MACROD2: variants seen among roughly 807,000 people sequenced by gnomAD.
MACROD2 encodes ADP-ribose glycohydrolase MACROD2.
Under a neutral mutation model 70.4 loss-of-function variants are expected in MACROD2, and 36 were observed. The observed-to-expected ratio is 0.51, with a 90% confidence interval of 0.39 to 0.68. MACROD2 has a LOEUF of 0.68. Among genes scored for constraint, MACROD2 ranks in the 30% least tolerant of loss-of-function variants. The probability of loss-of-function intolerance (pLI) is 0.00; values close to 1 mark genes in which losing one functional copy is unlikely to be tolerated. For missense variants in MACROD2, 496 were observed against 538.4 expected (o/e 0.92, Z 0.78); for synonymous variants, 172 against 178.8 (o/e 0.96, Z 0.30).
intron 8 of MACROD2, among the ~76,000 whole-genome samples, chr20:15,515,418 T>C (rs1246368080): frequency 6.6e-6 from 1 of 152,206 alleles, no homozygotes; most frequent in Admixed American, 6.5e-5. Context: ...CAGAGTAAAA[T>C]CTGTACTTAC....
intron 8 of MACROD2, among the ~76,000 whole-genome samples, chr20:15,612,216 C>T (rs561539026): frequency 2.7e-4 from 41 of 152,272 alleles, no homozygotes; most frequent in African/African-American, 9.4e-4. Context: ...TAGCATGAGC[C>T]ATGCCGGCTC....
At chr20:15,015,590 G>T (rs2075115288) in intron 5 of MACROD2, among the ~76,000 whole-genome samples, 1 of 151,876 alleles carries the variant, frequency 6.6e-6, no homozygotes, top group South Asian at 2.1e-4. Flanking sequence ...GAAAGCCACT[G>T]TATTTAGTGA....
intron 5 of MACROD2, among the ~76,000 whole-genome samples, chr20:15,086,138 G>C (rs556209527): frequency 6.6e-6 from 1 of 152,162 alleles, no homozygotes; most frequent in South Asian, 2.1e-4. Context: ...GTTAACATCT[G>C]AGAACCACTG....
intron 3 of MACROD2, among the ~76,000 whole-genome samples, chr20:14,188,173 A>G (rs143438282): frequency 1.8e-4 from 28 of 152,282 alleles, no homozygotes; most frequent in African/African-American, 6.3e-4. Flanking sequence ...CACTTGTGAT[A>G]TATGTTAAAA....
chr20:15,838,639 A>G (rs2147127330), intron 8 of MACROD2, among the ~76,000 whole-genome samples: 1 of 152,298 alleles, frequency 6.6e-6, no homozygotes, highest in East Asian at 1.9e-4. Flanking sequence ...CATCACAATG[A>G]CTGTGAGATA....
At chr20:14,404,873 A>T (rs2083675998) in intron 3 of MACROD2, among the ~76,000 whole-genome samples, 1 of 152,112 alleles carries the variant, frequency 6.6e-6, no homozygotes, top group Non-Finnish European at 1.5e-5. Flanking sequence ...CAATAAATTT[A>T]TATGGACTGA....
intron 3 of MACROD2, among the ~76,000 whole-genome samples, chr20:14,365,563 T>A (rs1340860548): frequency 2.6e-5 from 4 of 152,006 alleles, no homozygotes; most frequent in African/African-American, 7.2e-5. Context: ...AAGAACCAAT[T>A]TCTTGTTTCG....
chr20:15,533,544 G>GCTCTCTCTCTCTCT (rs3071260), intron 8 of MACROD2, among the ~76,000 whole-genome samples: 32 of 141,174 alleles, frequency 2.3e-4, no homozygotes, highest in Admixed American at 1.3e-3. Flanking sequence ...TGTCTCTGTC[G>GCTCTCTCTCTCTCT]CTCTCTCTCT....
intron 8 of MACROD2, among the ~76,000 whole-genome samples, chr20:15,598,719 C>T (rs2048778061): frequency 6.6e-6 from 1 of 152,168 alleles, no homozygotes; most frequent in Non-Finnish European, 1.5e-5. Flanking sequence ...AAAATTATTT[C>T]CCATGCTCAC....
At chr20:15,846,676 T>C (rs2064234235) in intron 8 of MACROD2, among the ~76,000 whole-genome samples, 1 of 152,058 alleles carries the variant, frequency 6.6e-6, no homozygotes, top group African/African-American at 2.4e-5. Flanking sequence ...CCATGGCTCA[T>C]GCAGTCTAGA....
At chr20:15,080,314 T>C (rs1184692560) in intron 5 of MACROD2, among the ~76,000 whole-genome samples, 1 of 152,086 alleles carries the variant, frequency 6.6e-6, no homozygotes, top group Non-Finnish European at 1.5e-5. Flanking sequence ...TTAAAGTCAA[T>C]GTTAAAGTCA....
intron 5 of MACROD2, among the ~76,000 whole-genome samples, chr20:15,168,306 T>C (rs1436500854): frequency 1.3e-5 from 2 of 152,132 alleles, no homozygotes; most frequent in Middle Eastern, 3.2e-3. Flanking sequence ...CCTGGGCCTC[T>C]TGATTTTAAT....
At chr20:14,772,904 T>A (rs2072187704) in intron 5 of MACROD2, among the ~76,000 whole-genome samples, 1 of 152,030 alleles carries the variant, frequency 6.6e-6, no homozygotes, top group Non-Finnish European at 1.5e-5. Context: ...TCTTTCTTCA[T>A]ATAACAAGTC....
chr20:15,657,458 T>C (rs2146808571), intron 8 of MACROD2, among the ~76,000 whole-genome samples: 1 of 152,302 alleles, frequency 6.6e-6, no homozygotes, highest in South Asian at 2.1e-4. Flanking sequence ...CTTAAATCAA[T>C]ACCATTTCAG....
intron 6 of MACROD2, among the ~76,000 whole-genome samples, chr20:15,420,700 A>G (rs2046216138): frequency 6.6e-6 from 1 of 152,208 alleles, no homozygotes; most frequent in Non-Finnish European, 1.5e-5. Context: ...AAAATTTTAA[A>G]TGTGCTTCTT....
intron 8 of MACROD2, among the ~76,000 whole-genome samples, chr20:15,818,877 G>T (rs1291724887): frequency 6.6e-6 from 1 of 152,080 alleles, no homozygotes; most frequent in Non-Finnish European, 1.5e-5. Flanking sequence ...ACGAACTGTG[G>T]CTTTTTTTGG....
chr20:14,321,364 CA>C (rs11475232), intron 3 of MACROD2, among the ~76,000 whole-genome samples: 133,929 of 148,932 alleles, frequency 0.9, 60,218 homozygotes, highest in Non-Finnish European at 0.92. Flanking sequence ...TACTCCATCT[CA>C]AAAAAAAAAA....
intron 8 of MACROD2, among the ~76,000 whole-genome samples, chr20:15,621,018 GGA>G (rs1005298931): frequency 1.3e-5 from 2 of 152,116 alleles, no homozygotes; most frequent in Non-Finnish European, 2.9e-5. Flanking sequence ...GGGGCCTGGG[GGA>G]GAGAGGCAGT....
At chr20:16,025,371 G>A (rs544600172) in intron 15 of MACROD2, among the ~76,000 whole-genome samples, 35 of 152,326 alleles carry the variant, frequency 2.3e-4, no homozygotes, top group South Asian at 2.1e-3. Flanking sequence ...AAGAACATCT[G>A]TTTGTTGTCA....
Sources: gnomAD v4.1 joint callset for allele counts (sites outside exome capture counted in the v4.1 genomes callset) on GRCh38, gnomAD v4.1.1 for gene constraint, MANE v1.5 for transcripts, NCBI Gene and HGNC (gene_info 2026-07-23, HGNC 2026-07-21) for gene names.